The following CDYL2 variants were observed in gnomAD, a reference collection of about 807,000 sequenced individuals.
CDYL2 encodes chromodomain Y like 2, also known as chromodomain Y-like protein 2.
In CDYL2, 23 loss-of-function variants were observed where a neutral mutation model predicts 49.4. That is an observed-to-expected ratio of 0.47 (90% CI 0.34 to 0.66). The LOEUF (loss-of-function observed/expected upper bound fraction) is 0.66. CDYL2 is among the 30% of genes least tolerant of loss of function. The pLI is 0.01. For synonymous variants in CDYL2, 360 were observed against 268.8 expected, an observed-to-expected ratio of 1.34 and a Z score of -3.32; for missense variants, 678 against 656.4, an observed-to-expected ratio of 1.03 and a Z score of -0.36.
intron 2 of CDYL2, among the ~76,000 whole-genome samples, chr16:80,638,374 C>T (rs1907934216): frequency 6.6e-6 from 1 of 152,168 alleles, no homozygotes; most frequent in African/African-American, 2.4e-5. Flanking sequence ...CACACTTCGC[C>T]AAGACTCAAT....
intron 2 of CDYL2, among the ~76,000 whole-genome samples, chr16:80,649,274 T>C (rs143520632): frequency 6.7e-4 from 102 of 152,134 alleles, no homozygotes; most frequent in African/African-American, 2.1e-3. Flanking sequence ...TTAGAACCAA[T>C]AAATTCAGTA....
At chr16:80,634,080 C>CAA (rs542771969) in intron 2 of CDYL2, among the ~76,000 whole-genome samples, 1 of 129,346 alleles carries the variant, frequency 7.7e-6, no homozygotes, top group East Asian at 2.2e-4. Flanking sequence ...TACCTCCGTC[C>CAA]AAAAAAAAAA....
intron 1 of CDYL2, among the ~76,000 whole-genome samples, chr16:80,705,958 AG>A (rs1281400694): frequency 8.5e-5 from 13 of 152,372 alleles, no homozygotes; most frequent in African/African-American, 3.1e-4. Flanking sequence ...AAGGGAGAAA[AG>A]CATATATTGA....
At chr16:80,679,420 G>C (rs1413517623) in intron 2 of CDYL2, among the ~76,000 whole-genome samples, 1 of 152,072 alleles carries the variant, frequency 6.6e-6, no homozygotes, top group East Asian at 1.9e-4. Flanking sequence ...AATCCAGCTG[G>C]GCCGTGGTAT....
chr16:80,666,007 G>C (rs1015296401), intron 2 of CDYL2, among the ~76,000 whole-genome samples: 1 of 152,130 alleles, frequency 6.6e-6, no homozygotes, highest in African/African-American at 2.4e-5. Context: ...GCACATTCTT[G>C]AGCAAAGCAG....
chr16:80,670,810 G>T (rs1909470853), intron 2 of CDYL2: 1 of 422,586 alleles, frequency 2.4e-6, no homozygotes. Context: ...GGCGCTCCCA[G>T]GAACACCACA....
chr16:80,730,632 G>A (rs537353646), intron 1 of CDYL2, among the ~76,000 whole-genome samples: 3 of 151,992 alleles, frequency 2.0e-5, no homozygotes, highest in East Asian at 3.9e-4. Flanking sequence ...TACCAAAGCC[G>A]GGCAGAGACA....
At chr16:80,639,233 T>C (rs1490666311) in intron 2 of CDYL2, among the ~76,000 whole-genome samples, 2 of 152,178 alleles carry the variant, frequency 1.3e-5, no homozygotes, top group African/African-American at 2.4e-5. Context: ...GTGACAGGAA[T>C]GCTCATTCAC....
intron 6 of CDYL2, among the ~76,000 whole-genome samples, 200 bp downstream of exon 6, chr16:80,607,892 C>G (rs6564771): frequency 0.39 from 59,979 of 152,050 alleles, 15,569 homozygotes; most frequent in African/African-American, 0.74. Flanking sequence ...AGATGATGGA[C>G]AATTTGTAAT....
intron 1 of CDYL2, among the ~76,000 whole-genome samples, chr16:80,726,698 G>C (rs1017930645): frequency 1.3e-5 from 2 of 152,108 alleles, no homozygotes; most frequent in Non-Finnish European, 2.9e-5. Context: ...TTGACTCTAG[G>C]GTTGAAACAT....
At chr16:80,709,929 A>ATT (rs11358998) in intron 1 of CDYL2, among the ~76,000 whole-genome samples, 1 of 141,324 alleles carries the variant, frequency 7.1e-6, no homozygotes, top group Non-Finnish European at 1.6e-5. Flanking sequence ...CAGCAGGCTG[A>ATT]TTTTTTTTTT....
intron 1 of CDYL2, among the ~76,000 whole-genome samples, chr16:80,689,694 T>C (rs1424459796): frequency 6.6e-6 from 1 of 152,130 alleles, no homozygotes; most frequent in Non-Finnish European, 1.5e-5. Flanking sequence ...ATACAATAAC[T>C]CTTCAAGGAT....
intron 1 of CDYL2, among the ~76,000 whole-genome samples, chr16:80,709,491 T>C (rs8054268): frequency 0.7 from 106,619 of 151,510 alleles, 38,073 homozygotes; most frequent in African/African-American, 0.81. Flanking sequence ...ATTTCGTCCA[T>C]GAGAAGCACT....
chr16:80,779,463 T>C (rs1567604341), intron 1 of CDYL2, among the ~76,000 whole-genome samples: 1 of 152,108 alleles, frequency 6.6e-6, no homozygotes, highest in Non-Finnish European at 1.5e-5. Context: ...AATTTGACAG[T>C]ATTATCAGAA....
At chr16:80,787,737 G>T (rs537546863) in intron 1 of CDYL2, among the ~76,000 whole-genome samples, 15 of 152,266 alleles carry the variant, frequency 9.9e-5, no homozygotes, top group African/African-American at 2.6e-4. Flanking sequence ...ATCAGGTGGT[G>T]AAAAATAGTT....
chr16:80,776,254 C>G (rs904739334), intron 1 of CDYL2, among the ~76,000 whole-genome samples: 1 of 151,990 alleles, frequency 6.6e-6, no homozygotes, highest in African/African-American at 2.4e-5. Flanking sequence ...GTTAAGCACT[C>G]AATTCAACTA....
chr16:80,711,502 G>T (rs748881552), intron 1 of CDYL2, among the ~76,000 whole-genome samples: 1 of 152,114 alleles, frequency 6.6e-6, no homozygotes, highest in Non-Finnish European at 1.5e-5. Flanking sequence ...TTTCCCATAC[G>T]CAAAAGCTTT....
intron 2 of CDYL2, among the ~76,000 whole-genome samples, chr16:80,647,835 T>C (rs993396461): frequency 5.3e-5 from 8 of 152,176 alleles, no homozygotes; most frequent in African/African-American, 1.9e-4. Flanking sequence ...TCTTCTTCTC[T>C]AACCACAATA....
At chr16:80,617,859 T>A (rs1414597272) in intron 4 of CDYL2, among the ~76,000 whole-genome samples, 1 of 152,168 alleles carries the variant, frequency 6.6e-6, no homozygotes, top group Admixed American at 6.5e-5. Flanking sequence ...GAAATCTGGT[T>A]AGCATAGGGC....
Sources: allele counts gnomAD v4.1 joint callset (sites outside exome capture counted in the v4.1 genomes callset), GRCh38; gene constraint gnomAD v4.1.1; transcripts MANE v1.5; gene names NCBI Gene and HGNC (gene_info 2026-07-23, HGNC 2026-07-21).